The following EPB41L4B variants were observed in gnomAD, a reference collection of about 807,000 sequenced individuals.
The protein encoded by EPB41L4B is erythrocyte membrane protein band 4.1 like 4B.
In EPB41L4B, 30 loss-of-function variants were observed where a neutral mutation model predicts 112.5. The observed-to-expected ratio is 0.27, with a 90% CI of 0.20 to 0.36. The LOEUF (loss-of-function observed/expected upper bound fraction) is 0.36. Ranked by LOEUF, EPB41L4B falls within the 10% of genes least tolerant of loss-of-function variation. The pLI is 1.00. For synonymous variants in EPB41L4B, 408 were observed against 439.7 expected (o/e 0.93, Z 0.90); for missense variants, 1,024 against 1,133.3 (o/e 0.90, Z 1.38).
At chr9:109,288,250 G>A (rs1836374835) in intron 1 of EPB41L4B, among the ~76,000 whole-genome samples, 1 of 152,184 alleles carries the variant, frequency 6.6e-6, no homozygotes, top group Non-Finnish European at 1.5e-5. Context: ...GAATCTACTG[G>A]CTCTGTGATC....
chr9:109,263,028 T>C (rs766093912), intron 6 of EPB41L4B, 22 bp downstream of exon 6: 1 of 1,538,384 alleles, frequency 6.5e-7, no homozygotes, highest in East Asian at 2.3e-5. Flanking sequence ...AAAATGCTAA[T>C]TACTACTAAA....
intron 13 of EPB41L4B, among the ~76,000 whole-genome samples, chr9:109,248,740 T>C (rs550541858): frequency 2.4e-4 from 37 of 152,220 alleles, no homozygotes; most frequent in Non-Finnish European, 4.1e-4. Context: ...CCACTGTGCT[T>C]GGCTGATGAG....
At chr9:109,284,067 A>C (rs1351885685) in intron 1 of EPB41L4B, among the ~76,000 whole-genome samples, 4 of 152,164 alleles carry the variant, frequency 2.6e-5, no homozygotes, top group Non-Finnish European at 4.4e-5. Context: ...TGGGTGACAG[A>C]GTGACACCTT....
intron 1 of EPB41L4B, among the ~76,000 whole-genome samples, chr9:109,309,755 C>CAGAGAGAGAGAGAGAG (rs34950010): frequency 2.1e-5 from 3 of 142,228 alleles, no homozygotes; most frequent in South Asian, 2.4e-4. Flanking sequence ...AATACACACA[C>CAGAGAGAGAGAGAGAG]AGAGAGAGAG....
intron 15 of EPB41L4B, among the ~76,000 whole-genome samples, chr9:109,230,534 G>A (rs1322833891): frequency 1.3e-5 from 2 of 152,148 alleles, no homozygotes; most frequent in African/African-American, 2.4e-5. Context: ...ATGAGAGAAA[G>A]TACAATTTAC....
At chr9:109,267,214 T>C (rs1259162052) in intron 4 of EPB41L4B, among the ~76,000 whole-genome samples, 18 of 152,194 alleles carry the variant, frequency 1.2e-4, no homozygotes, top group African/African-American at 4.1e-4. Flanking sequence ...GAGCAACCAA[T>C]TAATTTACCC....
intron 6 of EPB41L4B, among the ~76,000 whole-genome samples, chr9:109,259,285 T>G (rs75662509): frequency 0.011 from 1,603 of 152,296 alleles, 33 homozygotes; most frequent in African/African-American, 0.037. Flanking sequence ...GCTTTCGAAT[T>G]TGGGTGCGCA....
Position 109,279,508 on chromosome 9 carries a change from C to T in EPB41L4B, c.411+309G>A, listed in dbSNP as rs534629263. Among the ~76,000 whole-genome samples the T allele has an allele frequency of 2.0e-4, 30 of 152,302 alleles. 1 individual carries two copies. The East Asian group carries it at 4.6e-3, about 24-fold the overall frequency. On this transcript the variant is annotated intron_variant, in intron 2 of 25. Coordinates refer to ENST00000374566, the MANE Select transcript of EPB41L4B (RefSeq NM_019114.5). Reference sequence around the variant, plus strand: ...CTGGGATTACAGGCACGAGCCACTGCCCCCAGCCTGAAAGAACTTCTATAA... The same window carrying T: ...CTGGGATTACAGGCACGAGCCACTGTCCCCAGCCTGAAAGAACTTCTATAA...
intron 13 of EPB41L4B, among the ~76,000 whole-genome samples, chr9:109,250,738 G>C (rs1048003183): frequency 1.3e-5 from 2 of 152,178 alleles, no homozygotes; most frequent in Non-Finnish European, 2.9e-5. Flanking sequence ...ATGCTCACCA[G>C]ATCATTCTAC....
At chr9:109,179,370 C>T (rs1448574538) in intron 24 of EPB41L4B, among the ~76,000 whole-genome samples, 1 of 152,190 alleles carries the variant, frequency 6.6e-6, no homozygotes, top group African/African-American at 2.4e-5. Context: ...AGAGGCCAAA[C>T]CTGCAGAAAG....
At chr9:109,194,015 T>C (rs1358630306) in intron 21 of EPB41L4B, among the ~76,000 whole-genome samples, 1 of 152,238 alleles carries the variant, frequency 6.6e-6, no homozygotes, top group East Asian at 1.9e-4. Context: ...CCTGATTTTA[T>C]ATTTCACTCA....
At chr9:109,301,662 A>T (rs920250052) in intron 1 of EPB41L4B, among the ~76,000 whole-genome samples, 2 of 152,234 alleles carry the variant, frequency 1.3e-5, no homozygotes, top group African/African-American at 2.4e-5. Flanking sequence ...CATATGAATT[A>T]AAAAAGCCTT....
intron 2 of EPB41L4B, among the ~76,000 whole-genome samples, chr9:109,271,975 G>T (rs1222342230): frequency 1.3e-5 from 2 of 152,132 alleles, no homozygotes; most frequent in African/African-American, 4.8e-5. Context: ...CACCCATAAG[G>T]CTGGTTGTAG....
chr9:109,226,634 A>AT (rs1231256599), intron 15 of EPB41L4B, among the ~76,000 whole-genome samples: 24 of 116,992 alleles, frequency 2.1e-4, no homozygotes, highest in African/African-American at 8.1e-4. Context: ...ATATATGAAG[A>AT]ATATATATAT....
chr9:109,191,909 AC>A (rs1832472611), intron 22 of EPB41L4B, among the ~76,000 whole-genome samples: 1 of 152,168 alleles, frequency 6.6e-6, no homozygotes, highest in African/African-American at 2.4e-5. Context: ...AGTGCTTCAG[AC>A]CAGATGGATC....
intron 1 of EPB41L4B, among the ~76,000 whole-genome samples, chr9:109,317,303 G>T (rs1399272530): frequency 2.6e-5 from 4 of 152,206 alleles, no homozygotes; most frequent in Non-Finnish European, 5.9e-5. Flanking sequence ...TCTCCTGGAA[G>T]TCCTTCCGAT....
intron 20 of EPB41L4B, among the ~76,000 whole-genome samples, chr9:109,197,357 A>T (rs1039982635): frequency 4.4e-4 from 67 of 152,258 alleles, no homozygotes; most frequent in African/African-American, 1.6e-3. Context: ...TAGGGGGCGG[A>T]GGCTGCAGTG....
intron 1 of EPB41L4B, among the ~76,000 whole-genome samples, chr9:109,282,269 C>G (rs553768979): frequency 1.1e-4 from 17 of 151,918 alleles, no homozygotes; most frequent in Admixed American, 9.2e-4. Flanking sequence ...AAGGGGAGTA[C>G]AGTTATTTGT....
chr9:109,216,942 G>A lies in EPB41L4B; in HGVS notation c.1613C>T (p.Ser538Phe), dbSNP rs748301200. The change falls in exon 16 of 26, where the codon TCC (serine) becomes TTC (phenylalanine). Residue 538 changes from serine to phenylalanine, a missense_variant. Ser to Phe is a radical substitution (Grantham distance 155). Coordinates refer to ENST00000374566, the MANE Select transcript of EPB41L4B (RefSeq NM_019114.5). ...NKEGPLRSPN[S>F]SSKSLTKLSP... ...CTCACTTGTAAGGGACTTGCTGCTGGAGTTTGGGGACCTCAGAGGCCCCTC... is the reference window on the plus strand; with the variant it reads ...CTCACTTGTAAGGGACTTGCTGCTGAAGTTTGGGGACCTCAGAGGCCCCTC... 26 of 1,614,024 alleles carry A rather than the reference G, an allele frequency of 1.6e-5. No homozygotes were observed. Among genetic ancestry groups the A allele is most frequent in the Non-Finnish European group, 2.0e-5 (24 of 1,179,992 alleles).
Sources: allele counts gnomAD v4.1 joint callset (sites outside exome capture counted in the v4.1 genomes callset), GRCh38; gene constraint gnomAD v4.1.1; transcripts MANE v1.5; gene names NCBI Gene and HGNC (gene_info 2026-07-23, HGNC 2026-07-21).